SH3RF1: variants seen among roughly 807,000 people sequenced by gnomAD.
SH3RF1 encodes the protein E3 ubiquitin-protein ligase SH3RF1.
Under a neutral mutation model 74.0 loss-of-function variants are expected in SH3RF1, and 32 were observed. The ratio of observed to expected loss-of-function variants is 0.43; its 90% CI spans 0.33 to 0.58. The LOEUF is 0.58. SH3RF1 is among the 20% of genes least tolerant of loss of function. The pLI is 0.05. For missense variants in SH3RF1, 954 were observed against 1,130.9 expected (o/e 0.84, Z 2.24); for synonymous variants, 396 against 439.6 (o/e 0.90, Z 1.24).
chr4:169,211,242 G>A (rs1318382244), intron 2 of SH3RF1, among the ~76,000 whole-genome samples: 6 of 152,042 alleles, frequency 3.9e-5, no homozygotes, highest in Non-Finnish European at 7.4e-5. Context: ...CAGCACTTTG[G>A]GAGGCCAAGG....
At position 169,106,842 on chromosome 4, in the gene SH3RF1, C is replaced by G. The variant is rs1733147137; in HGVS notation, c.2498+5G>C. On this transcript the variant is annotated splice_donor_5th_base_variant and intron_variant, in intron 11 of 11. Transcript: ENST00000284637. ...AGTTTTTTCCTGGAACGAAGTTGAA[C>G]TTACCTTTCACAAACGACAGGTCTA... 1 of 1,541,926 alleles carries G rather than the reference C, an allele frequency of 6.5e-7. No homozygotes were observed. Among genetic ancestry groups the G allele is most frequent in the Non-Finnish European group, 8.8e-7 (1 of 1,142,450 alleles).
chr4:169,128,120 C>A (rs1733555681), intron 6 of SH3RF1, among the ~76,000 whole-genome samples: 1 of 152,000 alleles, frequency 6.6e-6, no homozygotes, highest in African/African-American at 2.4e-5. Context: ...CTTTTCTTTC[C>A]CTTAAGAAAT....
At chr4:169,226,996 A>AAAACTTTTTATAGTTTT (rs1464217867) in intron 2 of SH3RF1, among the ~76,000 whole-genome samples, 27 of 152,248 alleles carry the variant, frequency 1.8e-4, no homozygotes, top group African/African-American at 6.3e-4. Context: ...ACAAGACCCC[A>AAAACTTTTTATAGTTTT]TCTCTATAAA....
Position 169,096,537 on chromosome 4 carries a change from G to A in SH3RF1, c.2649C>T (p.Ser883=). ...RNGKTGLFPG[S]FVENI ...AGTCTCCTCATATGTTTTCCACAAA[G>A]CTTCCTGGGAAAAGGCCAGTTTTCC... is the stretch of plus-strand genomic sequence containing the variant. The change falls in exon 12 of 12, where the codon AGC becomes AGT. Residue 883 remains serine, a synonymous_variant. Transcript: ENST00000284637. 6.2e-7 allele frequency: 1 copy of A among 1,613,852 alleles called. No homozygotes were observed. The highest frequency in any genetic ancestry group is 8.5e-7 in the Non-Finnish European group (1 of 1,179,956).
chr4:169,157,629 C>A (rs887951394), intron 2 of SH3RF1, among the ~76,000 whole-genome samples: 1 of 152,200 alleles, frequency 6.6e-6, no homozygotes, highest in Non-Finnish European at 1.5e-5. Flanking sequence ...AGATAAGTGG[C>A]AAATCCAACA....
intron 2 of SH3RF1, among the ~76,000 whole-genome samples, chr4:169,259,851 C>A (rs1190450679): frequency 6.6e-5 from 10 of 152,228 alleles, no homozygotes; most frequent in Non-Finnish European, 1.0e-4. Flanking sequence ...ATCACAAGTA[C>A]ATCTCACTAT....
At chr4:169,107,608 G>A (rs565592363) in intron 10 of SH3RF1, among the ~76,000 whole-genome samples, 134 of 152,272 alleles carry the variant, frequency 8.8e-4, no homozygotes, top group African/African-American at 3.0e-3. Context: ...AGGATAAAAT[G>A]GAAATTTCAG....
At chr4:169,108,805 A>C (rs368928071) in intron 10 of SH3RF1, among the ~76,000 whole-genome samples, 3 of 152,194 alleles carry the variant, frequency 2.0e-5, no homozygotes, top group South Asian at 4.2e-4. Flanking sequence ...TGCTGTATAT[A>C]CCTCTCTATC....
At chr4:169,239,496 T>C (rs1300993348) in intron 2 of SH3RF1, among the ~76,000 whole-genome samples, 1 of 152,220 alleles carries the variant, frequency 6.6e-6, no homozygotes. Flanking sequence ...GTATGTATGT[T>C]TTTATTAAAA....
intron 2 of SH3RF1, among the ~76,000 whole-genome samples, chr4:169,242,883 C>T (rs1730935852): frequency 1.3e-5 from 2 of 152,216 alleles, no homozygotes; most frequent in Non-Finnish European, 2.9e-5. Context: ...GAGCCAAATA[C>T]ATTTCTATCA....
At chr4:169,197,432 C>G (rs1305723745) in intron 2 of SH3RF1, among the ~76,000 whole-genome samples, 3 of 151,974 alleles carry the variant, frequency 2.0e-5, no homozygotes. Context: ...CAAAAACCAG[C>G]CTGGCCAACA....
chr4:169,204,791 C>T (rs2126992475), intron 2 of SH3RF1, among the ~76,000 whole-genome samples: 1 of 152,200 alleles, frequency 6.6e-6, no homozygotes, highest in Non-Finnish European at 1.5e-5. Context: ...CCTCGTGATC[C>T]ACCCGCCTCG....
intron 4 of SH3RF1, among the ~76,000 whole-genome samples, chr4:169,150,936 G>T (rs571516954): frequency 5.9e-5 from 9 of 152,066 alleles, no homozygotes; most frequent in Non-Finnish European, 1.3e-4. Flanking sequence ...AAAAAAGCTT[G>T]CATTAAGGTC....
intron 4 of SH3RF1, among the ~76,000 whole-genome samples, chr4:169,153,196 G>A (rs575476181): frequency 5.3e-5 from 8 of 152,206 alleles, no homozygotes; most frequent in African/African-American, 1.7e-4. Context: ...TACCCTCTGC[G>A]TGATAGTCTA....
chr4:169,159,306 T>A (rs1275277076), intron 2 of SH3RF1, among the ~76,000 whole-genome samples: 1 of 152,236 alleles, frequency 6.6e-6, no homozygotes. Flanking sequence ...TCTTCAAGGC[T>A]AGTTATCACA....
chr4:169,173,368 C>T (rs1457569832), intron 2 of SH3RF1, among the ~76,000 whole-genome samples: 1 of 151,976 alleles, frequency 6.6e-6, no homozygotes, highest in Admixed American at 6.6e-5. Context: ...CCACCGTGCC[C>T]CCTTGTTATT....
chr4:169,192,322 G>A (rs571996568), intron 2 of SH3RF1, among the ~76,000 whole-genome samples: 1 of 151,582 alleles, frequency 6.6e-6, no homozygotes, highest in Non-Finnish European at 1.5e-5. Flanking sequence ...TCAGGGAAAT[G>A]CAAACATGAA....
At chr4:169,149,262 T>A (rs1443908663) in intron 4 of SH3RF1, among the ~76,000 whole-genome samples, 7 of 152,198 alleles carry the variant, frequency 4.6e-5, no homozygotes, top group Non-Finnish European at 1.0e-4. Context: ...CTTTTTAGAT[T>A]GAGTCTTTAG....
chr4:169,156,410 A>C lies in SH3RF1; in HGVS notation c.663T>G (p.Phe221Leu). 6.3e-7 allele frequency: 1 copy of C among 1,588,668 alleles called. No individual in the cohort carries two copies. The highest frequency in any genetic ancestry group is 8.6e-7 in the Non-Finnish European group (1 of 1,164,010). ...AAGCACATTCTACCTTTACCTTTGCAAATGGAAGGCAATCTTTGTCTGCTT... is the reference window on the plus strand; with the variant it reads ...AAGCACATTCTACCTTTACCTTTGCCAATGGAAGGCAATCTTTGTCTGCTT... Reference protein sequence around the residue: ...DKEADKDCLPFAKDDVLTVIR... With the variant: ...DKEADKDCLPLAKDDVLTVIR... The change falls in exon 3 of 12, where the codon TTT becomes TTG. Residue 221 changes from phenylalanine to leucine, a missense_variant. Physicochemically the swap from Phe to Leu is conservative, Grantham distance 22. This residue lies in a region of SH3RF1 where 854 missense variants were observed against 962.5 expected (regional missense o/e 0.89). Transcript: ENST00000284637.
Sources: allele counts gnomAD v4.1 joint callset (sites outside exome capture counted in the v4.1 genomes callset), GRCh38; gene constraint gnomAD v4.1.1; regional missense constraint gnomAD v4.1.1; transcripts MANE v1.5; gene names NCBI Gene and HGNC (gene_info 2026-07-23, HGNC 2026-07-21).